The following LRRTM4 variants were observed in gnomAD, a reference collection of about 807,000 sequenced individuals.
LRRTM4 encodes the protein leucine rich repeat transmembrane neuronal 4.
Under a neutral mutation model 47.6 loss-of-function variants are expected in LRRTM4, and 25 were observed. That is an observed-to-expected ratio of 0.53 (90% CI 0.38 to 0.73). The LOEUF (loss-of-function observed/expected upper bound fraction) is 0.73. Among genes scored for constraint, LRRTM4 ranks in the 30% least tolerant of loss-of-function variants. The pLI is 0.00. For missense variants in LRRTM4, 638 were observed against 713.4 expected (o/e 0.89, Z 1.20); for synonymous variants, 311 against 269.5 (o/e 1.15, Z -1.51).
chr2:76,815,814 AGG>A (rs1670880559), intron 3 of LRRTM4, among the ~76,000 whole-genome samples: 2 of 152,168 alleles, frequency 1.3e-5, no homozygotes, highest in African/African-American at 4.8e-5. Flanking sequence ...CAAAACATAA[AGG>A]AATACAAATA....
chr2:77,166,523 G>C (rs1052173579), intron 3 of LRRTM4, among the ~76,000 whole-genome samples: 1 of 152,158 alleles, frequency 6.6e-6, no homozygotes, highest in Admixed American at 6.5e-5. Flanking sequence ...CAAGAACAAA[G>C]CTGGAGGCAT....
intron 3 of LRRTM4, among the ~76,000 whole-genome samples, chr2:77,018,022 C>A (rs1289905688): frequency 1.3e-5 from 2 of 151,726 alleles, no homozygotes; most frequent in Non-Finnish European, 2.9e-5. Context: ...CATCTATGCG[C>A]ATGTTTAGAT....
intron 3 of LRRTM4, chr2:77,516,779 G>A: frequency 1.0e-6 from 1 of 974,716 alleles, no homozygotes; most frequent in Non-Finnish European, 1.2e-6. Flanking sequence ...ACACAAAAAA[G>A]AAGAAAATGA....
Position 77,031,765 on chromosome 2 carries a change from G to A in LRRTM4, c.1552-282849C>T, listed in dbSNP as rs140156687. ...TGCGTGTGTGTGACAGAGAGAGAGC[G>A]CGCACAATATGTGCATGTAAATGTA... On this transcript the variant is annotated intron_variant, in intron 3 of 3. Transcript: ENST00000409884. 3.0e-4 allele frequency among the ~76,000 whole-genome samples: 45 copies of A among 152,112 alleles called. 1 individual carries two copies. In the East Asian group the frequency reaches 7.2e-3, roughly 24 times the overall value.
intron 3 of LRRTM4, among the ~76,000 whole-genome samples, chr2:76,776,292 C>A (rs1004748357): frequency 1.3e-5 from 2 of 152,122 alleles, no homozygotes; most frequent in Non-Finnish European, 2.9e-5. Flanking sequence ...ATGGCTGGGT[C>A]AAATGGTATT....
At chr2:76,828,497 T>A (rs1671246955) in intron 3 of LRRTM4, among the ~76,000 whole-genome samples, 1 of 151,912 alleles carries the variant, frequency 6.6e-6, no homozygotes. Flanking sequence ...AAGCAAAAAA[T>A]TCCTTTTCAA....
chr2:77,498,247 T>C (rs183927184), intron 3 of LRRTM4, among the ~76,000 whole-genome samples: 27 of 151,948 alleles, frequency 1.8e-4, no homozygotes, highest in Middle Eastern at 3.4e-3. Flanking sequence ...TCCCATATAA[T>C]AGAGGAAAAT....
At chr2:77,359,869 T>C (rs901938182) in intron 3 of LRRTM4, among the ~76,000 whole-genome samples, 5 of 152,210 alleles carry the variant, frequency 3.3e-5, no homozygotes, top group African/African-American at 1.2e-4. Flanking sequence ...TTTGCACTTC[T>C]ATTCAACAGG....
At chr2:77,480,671 G>A (rs6740247) in intron 3 of LRRTM4, among the ~76,000 whole-genome samples, 41,065 of 151,868 alleles carry the variant, frequency 0.27, 5,664 homozygotes, top group African/African-American at 0.29. Flanking sequence ...AAAAAAGAAA[G>A]TACAGGCATA....
chr2:76,796,895 C>T (rs549349468), intron 3 of LRRTM4, among the ~76,000 whole-genome samples: 61 of 151,686 alleles, frequency 4.0e-4, no homozygotes, highest in Non-Finnish European at 7.9e-4. Context: ...TGAAATGAAG[C>T]GAGAAGGGAA....
At chr2:77,262,864 G>C (rs1675956273) in intron 3 of LRRTM4, among the ~76,000 whole-genome samples, 1 of 151,956 alleles carries the variant, frequency 6.6e-6, no homozygotes, top group South Asian at 2.1e-4. Flanking sequence ...AATGATGAGA[G>C]TGATAAAGGT....
chr2:77,231,104 T>C (rs184148765), intron 3 of LRRTM4, among the ~76,000 whole-genome samples: 2 of 152,310 alleles, frequency 1.3e-5, no homozygotes, highest in African/African-American at 2.4e-5. Flanking sequence ...TTAACGTGGA[T>C]GTCTAAATTT....
chr2:77,128,801 G>A (rs571464156), intron 3 of LRRTM4, among the ~76,000 whole-genome samples: 30 of 149,908 alleles, frequency 2.0e-4, no homozygotes, highest in Non-Finnish European at 2.5e-4. Context: ...CACCATGCCC[G>A]GCTAATTTTT....
intron 3 of LRRTM4, among the ~76,000 whole-genome samples, chr2:76,836,827 T>G (rs1011053766): frequency 6.6e-6 from 1 of 152,102 alleles, no homozygotes; most frequent in Non-Finnish European, 1.5e-5. Flanking sequence ...AGAATGTACC[T>G]TGGGGCTAGG....
chr2:77,467,531 A>G (rs1473117179), intron 3 of LRRTM4, among the ~76,000 whole-genome samples: 1 of 152,200 alleles, frequency 6.6e-6, no homozygotes, highest in Non-Finnish European at 1.5e-5. Flanking sequence ...ATGAGTGCAC[A>G]TGTGTACATG....
intron 3 of LRRTM4, among the ~76,000 whole-genome samples, chr2:76,889,302 T>C (rs1361993724): frequency 6.6e-6 from 1 of 151,968 alleles, no homozygotes; most frequent in Non-Finnish European, 1.5e-5. Context: ...GCAGCTTTGA[T>C]TGAGAAGCCA....
intron 3 of LRRTM4, among the ~76,000 whole-genome samples, chr2:76,987,019 G>A (rs1676821783): frequency 6.6e-6 from 1 of 151,722 alleles, no homozygotes; most frequent in Admixed American, 6.6e-5. Flanking sequence ...CTTCAATAAA[G>A]TATTCTTTTA....
chr2:76,785,853 C>T (rs78357646), intron 3 of LRRTM4, among the ~76,000 whole-genome samples: 1 of 152,064 alleles, frequency 6.6e-6, no homozygotes, highest in Admixed American at 6.6e-5. Context: ...AGACAAGGAT[C>T]AGCCAGACCT....
At chr2:77,265,182 C>A (rs1397651769) in intron 3 of LRRTM4, among the ~76,000 whole-genome samples, 5 of 152,044 alleles carry the variant, frequency 3.3e-5, no homozygotes. Flanking sequence ...TACTTGTTCA[C>A]CATATTTTCA....
Sources: gnomAD v4.1 joint callset for allele counts (sites outside exome capture counted in the v4.1 genomes callset) on GRCh38, gnomAD v4.1.1 for gene constraint, MANE v1.5 for transcripts, NCBI Gene and HGNC (gene_info 2026-07-23, HGNC 2026-07-21) for gene names.